RSRP1: variants seen among roughly 807,000 people sequenced by gnomAD.
RSRP1 encodes arginine and serine rich protein 1, also known as arginine/serine-rich protein 1.
A neutral mutation model predicts 33.0 loss-of-function variants in RSRP1; 37 were observed. That is an observed-to-expected ratio of 1.12 (90% CI 0.86 to 1.48). The LOEUF is 1.48. RSRP1 is among the 40% of genes most tolerant of loss of function. The pLI is 0.00. For synonymous variants in RSRP1, 167 were observed against 158.7 expected (o/e 1.05, Z -0.40); for missense variants, 402 against 385.3 (o/e 1.04, Z -0.36).
rs1324851904 is a variant in RSRP1 at position 25,316,392 on chromosome 1, G to A, written c.-67+21586C>T. On this transcript the variant is annotated intron_variant, in intron 1 of 1. Coordinates refer to the RSRP1 transcript ENST00000561867. ...CCCAGCACTTTGGGAGGCCGAGGCGGGCAGATCACTTGAGGTCAGGAGTTC... is the reference window on the plus strand; with the variant it reads ...CCCAGCACTTTGGGAGGCCGAGGCGAGCAGATCACTTGAGGTCAGGAGTTC... 1.7e-4 allele frequency among the ~76,000 whole-genome samples: 22 copies of A among 129,264 alleles called. 4 individuals are homozygous for A. Among genetic ancestry groups the A allele is most frequent in the African/African-American group, 5.6e-4 (21 of 37,372 alleles). The allele number at this position is 129,264 out of a possible 152,430, so 84.8% of individuals were successfully genotyped here. A position where few individuals can be genotyped will look rare whatever the true frequency, so the allele number is the denominator to read the frequency against.
intron 1 of RSRP1, among the ~76,000 whole-genome samples, chr1:25,303,030 A>C (rs1164259878): frequency 1.5e-5 from 2 of 131,040 alleles, no homozygotes; most frequent in Non-Finnish European, 3.6e-5. Context: ...CACACCACTA[A>C]TGAGTGTGAT....
At chr1:25,285,852 A>ACCTCTCAAGG (rs1223143093) in intron 1 of RSRP1, among the ~76,000 whole-genome samples, 1,568 of 133,332 alleles carry the variant, frequency 0.012, 103 homozygotes, top group African/African-American at 0.039. Flanking sequence ...CATCTTAGGG[A>ACCTCTCAAGG]CCTCTCAAGG....
At position 25,246,847 on chromosome 1, in the gene RSRP1, A is replaced by G; in HGVS notation, c.117T>C (p.Phe39=). 1.2e-6 allele frequency: 2 copies of G among 1,612,960 alleles called. No individual in the cohort carries two copies. The highest frequency in any genetic ancestry group is 1.7e-6 in the Non-Finnish European group (2 of 1,179,666). ...GGGAATGGGACCGAGAGCTTCTGGAAAAAGAGCGGCTCCTAGACCGCGACG... is the reference window on the plus strand; with the variant it reads ...GGGAATGGGACCGAGAGCTTCTGGAGAAAGAGCGGCTCCTAGACCGCGACG... ...RLSSRSRSRS[F]SRSSRSHSRV... Residue 39 remains phenylalanine, a synonymous_variant, in exon 2 of 5, where the codon TTT becomes TTC. Coordinates refer to ENST00000243189, the MANE Select transcript of RSRP1 (RefSeq NM_020317.5).
In RSRP1 at chr1:25,307,081, G is replaced by A. The variant is rs181004870; in HGVS notation, c.-67+30897C>T. On this transcript the variant is annotated intron_variant, in intron 1 of 1. Coordinates refer to the RSRP1 transcript ENST00000561867. ...TTTGCTGTGGACGTGCTCCCACTGC[G>A]TACTAGCTGGGCATGTGGCTTAACC... 1.5e-4 allele frequency: 50 copies of A among 326,450 alleles called. 12 individuals are homozygous for A. The highest frequency in any genetic ancestry group is 1.3e-4 in the East Asian group (2 of 15,210). 20.2% of individuals were successfully genotyped at this position (326,450 alleles called of 1,614,324 possible).
At chr1:25,321,239 T>C (rs1380288644) in intron 1 of RSRP1, among the ~76,000 whole-genome samples, 2 of 127,508 alleles carry the variant, frequency 1.6e-5, no homozygotes, top group African/African-American at 5.3e-5. Context: ...AGCCCATATG[T>C]CTTACATGGA....
chr1:25,244,379 A>G, intron 3 of RSRP1: 1 of 1,289,304 alleles, frequency 7.8e-7, no homozygotes, highest in East Asian at 5.5e-5. Flanking sequence ...TCTACCAACA[A>G]AAAAACTAAG....
chr1:25,289,287 C>A lies in RSRP1; in HGVS notation c.-66-42258G>T, dbSNP rs1161449883. Among the ~76,000 whole-genome samples the A allele has an allele frequency of 1.5e-5, 2 of 131,192 alleles. 1 individual carries two copies. The highest frequency in any genetic ancestry group is 5.2e-5 in the African/African-American group (2 of 38,430). The allele number at this position is 131,192 out of a possible 152,430, so 86.1% of individuals were successfully genotyped here. A position where few individuals can be genotyped will look rare whatever the true frequency, so the allele number is the denominator to read the frequency against. ...TCGGCCCACTGAAACCTCTGCCTCC[C>A]GGGTTCAAGCGACTGCCATGCCTCA... On this transcript the variant is annotated intron_variant, in intron 1 of 1. Coordinates refer to the RSRP1 transcript ENST00000561867.
At chr1:25,262,598 G>T (rs1640194360) in intron 1 of RSRP1, among the ~76,000 whole-genome samples, 1 of 152,170 alleles carries the variant, frequency 6.6e-6, no homozygotes, top group Non-Finnish European at 1.5e-5. Context: ...GAGACCCAGG[G>T]ATACTGGTAG....
intron 2 of RSRP1, among the ~76,000 whole-genome samples, chr1:25,245,807 T>C (rs1639329938): frequency 6.6e-6 from 1 of 152,228 alleles, no homozygotes; most frequent in Non-Finnish European, 1.5e-5. Flanking sequence ...TTCAAAGATG[T>C]ATTTCTGAAA....
intron 1 of RSRP1, among the ~76,000 whole-genome samples, chr1:25,275,194 G>A (rs1335495361): frequency 7.6e-6 from 1 of 131,882 alleles, no homozygotes; most frequent in African/African-American, 2.6e-5. Flanking sequence ...GGAAGCTGAG[G>A]GAGGAGAATT....
chr1:25,245,178 C>T lies in RSRP1; in HGVS notation c.644G>A (p.Gly215Asp), dbSNP rs1401208248. Residue 215 changes from glycine to aspartate, a missense_variant, in exon 3 of 5, where the codon GGT (glycine) becomes GAT (aspartate). By Grantham distance (94) the Gly-to-Asp change is moderately conservative (BLOSUM62 -1). Transcript: ENST00000243189. The stretch of plus-strand genomic sequence containing the variant: ...AGGCTTTGCACCATTACTTGATACA[C>T]CTATTCCACGGCTTGTTTCTTTGGC... The part of the protein sequence containing the change: ...PSAKETSRGI[G>D]VSSNGAKPEL... The T allele has an allele frequency of 3.0e-5, 48 of 1,614,070 alleles. No homozygotes were observed. The highest frequency in any genetic ancestry group is 3.9e-5 in the Non-Finnish European group (46 of 1,180,034).
upstream of RSRP1, among the ~76,000 whole-genome samples, chr1:25,249,133 G>A (rs930477496): frequency 6.6e-6 from 1 of 152,108 alleles, no homozygotes; most frequent in Middle Eastern, 3.2e-3. Context: ...TGGGCAACAG[G>A]AGCAAAACTC....
At chr1:25,328,779 G>C in intron 1 of RSRP1, 1 of 489,130 alleles carries the variant, frequency 2.0e-6, no homozygotes, top group Non-Finnish European at 3.6e-6. Context: ...TTCCAATTCA[G>C]ATTTTATGAA....
chr1:25,322,075 T>G (rs1644740654), intron 1 of RSRP1: 1 of 573,894 alleles, frequency 1.7e-6, no homozygotes, highest in Non-Finnish European at 3.5e-6. Context: ...AAAAATGGAG[T>G]AAGGAGCATT....
At position 25,307,591 on chromosome 1, in the gene RSRP1, A is replaced by G. The variant is rs1643915222; in HGVS notation, c.-67+30387T>C. The G allele has an allele frequency of 1.3e-5, 10 of 762,740 alleles. 2 individuals carry two copies. Among genetic ancestry groups the G allele is most frequent in the Non-Finnish European group, 2.2e-5 (10 of 458,986 alleles). The allele number at this position is 762,740 out of a possible 1,614,324, so 47.2% of individuals were successfully genotyped here. A position where few individuals can be genotyped will look rare whatever the true frequency, so the allele number is the denominator to read the frequency against. The stretch of plus-strand genomic sequence containing the variant: ...TCTCCTTGAATTCTCACAACCGCCT[A>G]CTGAGGTATTCTCAGACTCTAAGAA... On this transcript the variant is annotated intron_variant, in intron 1 of 1. Transcript: ENST00000561867.
rs993647423 is a variant in RSRP1, at chr1:25,309,503, C to CT, written c.-67+28474dup. Among the ~76,000 whole-genome samples the CT allele has an allele frequency of 2.3e-5, 3 of 131,470 alleles. 1 individual carries two copies. Among genetic ancestry groups the CT allele is most frequent in the African/African-American group, 5.3e-5 (2 of 37,946 alleles). The allele number at this position is 131,470 out of a possible 152,430, so 86.2% of individuals were successfully genotyped here. On this transcript the variant is annotated intron_variant, in intron 1 of 1. Transcript: ENST00000561867. ...CCTCCCATTTCCCTTCTATTTCAAG[C>CT]TAGTAACTCAGTTTTCTTTTAAATT...
intron 1 of RSRP1, among the ~76,000 whole-genome samples, chr1:25,331,865 G>A (rs1645017704): frequency 8.0e-6 from 1 of 124,626 alleles, no homozygotes; most frequent in African/African-American, 2.7e-5. Context: ...TCAGCCTCCG[G>A]AGTAGCTGGG....
intron 1 of RSRP1, among the ~76,000 whole-genome samples, chr1:25,259,606 G>C (rs1241792057): frequency 6.6e-6 from 1 of 152,026 alleles, no homozygotes; most frequent in African/African-American, 2.4e-5. Context: ...AGGTTCAAGT[G>C]ATTCTCCTGC....
Position 25,283,404 on chromosome 1 carries a change from A to C in RSRP1, c.-66-36375T>G, listed in dbSNP as rs541434214. Among the ~76,000 whole-genome samples, 37 of 130,940 alleles carry C rather than the reference A, an allele frequency of 2.8e-4. 5 individuals are homozygous for C. Among genetic ancestry groups the C allele is most frequent in the African/African-American group, 9.4e-4 (36 of 38,374 alleles). The allele number at this position is 130,940 out of a possible 152,430, so 85.9% of individuals were successfully genotyped here. A position where few individuals can be genotyped will look rare whatever the true frequency, so the allele number is the denominator to read the frequency against. Reference sequence around the variant, plus strand: ...AAATTAGCCGGGCACGGTGGCAGGCACCTGTAATCCCAGCTACTTGGGAGG... The same window carrying C: ...AAATTAGCCGGGCACGGTGGCAGGCCCCTGTAATCCCAGCTACTTGGGAGG... On this transcript the variant is annotated intron_variant, in intron 1 of 1. Coordinates refer to the RSRP1 transcript ENST00000561867.
Sources: allele counts gnomAD v4.1 joint callset (sites outside exome capture counted in the v4.1 genomes callset), GRCh38; gene constraint gnomAD v4.1.1; transcripts MANE v1.5; gene names NCBI Gene and HGNC (gene_info 2026-07-23, HGNC 2026-07-21).